Variants in GPC5 observed in about 807,000 individuals in gnomAD.
The protein encoded by GPC5 is glypican 5.
A neutral mutation model predicts 53.9 loss-of-function variants in GPC5; 47 were observed. That is an observed-to-expected ratio of 0.87 (90% CI 0.69 to 1.11). The LOEUF (loss-of-function observed/expected upper bound fraction) is 1.11, where lower values mean the gene tolerates loss of function less well. GPC5 is among the 50% of genes most tolerant of loss of function. The pLI is 0.00. For missense variants in GPC5, 748 were observed against 713.1 expected (o/e 1.05, Z -0.56); for synonymous variants, 286 against 263.3 (o/e 1.09, Z -0.84).
intron 7 of GPC5, among the ~76,000 whole-genome samples, chr13:92,352,116 A>C (rs1386841570): frequency 1.3e-5 from 2 of 152,182 alleles, no homozygotes; most frequent in Non-Finnish European, 2.9e-5. Context: ...GAATGCTGAG[A>C]AACAGAACCA....
chr13:92,471,051 C>T (rs944390494), intron 7 of GPC5, among the ~76,000 whole-genome samples: 1 of 152,018 alleles, frequency 6.6e-6, no homozygotes, highest in African/African-American at 2.4e-5. Context: ...ACAGTGAGCC[C>T]CTCTCCATGC....
Position 92,593,377 on chromosome 13 carries a change from G to A in GPC5, c.1562-272905G>A, listed in dbSNP as rs766784696. On this transcript the variant is annotated intron_variant, in intron 7 of 7. Coordinates refer to ENST00000377067, the MANE Select transcript of GPC5 (RefSeq NM_004466.6). The stretch of plus-strand genomic sequence containing the variant: ...AATTTTGAGTGAGTGTCAATGCTAT[G>A]TACTGAGATAAGGAAGATTGGAGGT... Among the ~76,000 whole-genome samples, 20 of 151,092 alleles carry A rather than the reference G, an allele frequency of 1.3e-4. 1 individual carries two copies. The highest frequency in any genetic ancestry group is 2.5e-4 in the Non-Finnish European group (17 of 67,574).
At chr13:92,494,420 T>G (rs1594249180) in intron 7 of GPC5, among the ~76,000 whole-genome samples, 2 of 152,316 alleles carry the variant, frequency 1.3e-5, no homozygotes, top group African/African-American at 4.8e-5. Flanking sequence ...TGAAGAACTT[T>G]GAAGTTCTTC....
At chr13:91,494,309 C>T (rs1439565814) in intron 2 of GPC5, among the ~76,000 whole-genome samples, 1 of 150,194 alleles carries the variant, frequency 6.7e-6, no homozygotes, top group Non-Finnish European at 1.5e-5. Flanking sequence ...CAGGAATTTT[C>T]CCCTTTCTCT....
intron 1 of GPC5, among the ~76,000 whole-genome samples, chr13:91,405,728 C>A (rs1289021242): frequency 6.6e-6 from 1 of 152,136 alleles, no homozygotes; most frequent in Non-Finnish European, 1.5e-5. Flanking sequence ...ATCCTACACT[C>A]CAATGAACCG....
chr13:92,791,044 G>T (rs886704045), intron 7 of GPC5, among the ~76,000 whole-genome samples: 1 of 151,860 alleles, frequency 6.6e-6, no homozygotes, highest in Non-Finnish European at 1.5e-5. Flanking sequence ...TAAAAATATT[G>T]AAAATATTTG....
intron 7 of GPC5, among the ~76,000 whole-genome samples, chr13:92,268,288 T>G (rs1346380357): frequency 7.9e-5 from 12 of 152,030 alleles, no homozygotes; most frequent in Admixed American, 6.5e-4. Flanking sequence ...ATTTTCATTT[T>G]GACATATATA....
chr13:91,814,702 G>A (rs571403667), intron 5 of GPC5, among the ~76,000 whole-genome samples: 17 of 152,044 alleles, frequency 1.1e-4, no homozygotes, highest in African/African-American at 4.1e-4. Context: ...CACCATGCCT[G>A]GCTAATTTTT....
intron 6 of GPC5, among the ~76,000 whole-genome samples, chr13:92,004,898 C>A (rs2040592573): frequency 6.6e-6 from 1 of 152,212 alleles, no homozygotes; most frequent in Middle Eastern, 3.4e-3. Context: ...AGGTCCCTCC[C>A]ATAACACGTG....
At chr13:92,247,155 A>C (rs937717107) in intron 7 of GPC5, among the ~76,000 whole-genome samples, 10 of 152,140 alleles carry the variant, frequency 6.6e-5, no homozygotes, top group African/African-American at 9.7e-5. Context: ...AAAATCTAAT[A>C]ATTCTGAAGA....
chr13:92,321,510 A>G (rs1233650786), intron 7 of GPC5, among the ~76,000 whole-genome samples: 1 of 152,172 alleles, frequency 6.6e-6, no homozygotes, highest in Non-Finnish European at 1.5e-5. Flanking sequence ...AGGCTGAGGC[A>G]GAAGAATCAC....
chr13:91,778,579 T>G (rs984140968), intron 5 of GPC5, among the ~76,000 whole-genome samples: 5 of 152,188 alleles, frequency 3.3e-5, no homozygotes, highest in African/African-American at 7.2e-5. Flanking sequence ...TAAACTACTC[T>G]GCTTAAAATT....
chr13:92,249,328 A>G (rs1389296745), intron 7 of GPC5, among the ~76,000 whole-genome samples: 2 of 152,150 alleles, frequency 1.3e-5, no homozygotes, highest in African/African-American at 4.8e-5. Context: ...AGATCACTAA[A>G]TTTTGGTAAA....
chr13:91,770,591 G>T (rs1039550683), intron 5 of GPC5, among the ~76,000 whole-genome samples: 4 of 152,020 alleles, frequency 2.6e-5, no homozygotes, highest in Non-Finnish European at 5.9e-5. Flanking sequence ...AAATTACAAA[G>T]GTCTTAGACA....
At chr13:92,423,032 A>T (rs1484355937) in intron 7 of GPC5, among the ~76,000 whole-genome samples, 1 of 152,236 alleles carries the variant, frequency 6.6e-6, no homozygotes, top group African/African-American at 2.4e-5. Flanking sequence ...GCCCAAGATC[A>T]AGGTGCCAGT....
intron 7 of GPC5, among the ~76,000 whole-genome samples, chr13:92,611,742 C>A (rs1884443501): frequency 1.3e-5 from 2 of 152,046 alleles, no homozygotes; most frequent in Admixed American, 6.6e-5. Context: ...TAAAAATATT[C>A]TCTCTTTTCT....
At chr13:91,846,399 G>C (rs1000705551) in intron 5 of GPC5, among the ~76,000 whole-genome samples, 2 of 151,980 alleles carry the variant, frequency 1.3e-5, no homozygotes, top group African/African-American at 4.8e-5. Context: ...TTGTACATAA[G>C]GGTTTTATTG....
chr13:92,119,095 G>T (rs2041623827), intron 6 of GPC5, among the ~76,000 whole-genome samples: 1 of 152,140 alleles, frequency 6.6e-6, no homozygotes, highest in South Asian at 2.1e-4. Flanking sequence ...CCACTTGGCT[G>T]GGGAGGCCTC....
intron 7 of GPC5, among the ~76,000 whole-genome samples, chr13:92,505,408 A>C (rs536525701): frequency 5.3e-5 from 8 of 152,056 alleles, no homozygotes; most frequent in Non-Finnish European, 7.4e-5. Context: ...AAATCATGAG[A>C]TATCGCTACA....
Sources: gnomAD v4.1 joint callset for allele counts (sites outside exome capture counted in the v4.1 genomes callset) on GRCh38, gnomAD v4.1.1 for gene constraint, MANE v1.5 for transcripts, NCBI Gene and HGNC (gene_info 2026-07-23, HGNC 2026-07-21) for gene names.